Variants in ANKH observed in about 807,000 individuals in gnomAD.
The protein encoded by ANKH is mineralization regulator ANKH.
A neutral mutation model predicts 49.0 loss-of-function variants in ANKH; 15 were observed. That is an observed-to-expected ratio of 0.31 (90% CI 0.20 to 0.47). The LOEUF (loss-of-function observed/expected upper bound fraction) is 0.47, where lower values mean the gene tolerates loss of function less well. Among genes scored for constraint, ANKH ranks in the 20% least tolerant of loss-of-function variants. The pLI is 1.00. For synonymous variants in ANKH, 273 were observed against 260.0 expected, an observed-to-expected ratio of 1.05 and a Z score of -0.48; for missense variants, 429 against 652.0, an observed-to-expected ratio of 0.66 and a Z score of 3.72.
chr5:14,731,620 G>A (rs1738005708), intron 8 of ANKH, among the ~76,000 whole-genome samples: 1 of 152,186 alleles, frequency 6.6e-6, no homozygotes, highest in Non-Finnish European at 1.5e-5. Flanking sequence ...AACTGTGCAA[G>A]GTTCCCAGCA....
intron 1 of ANKH, among the ~76,000 whole-genome samples, chr5:14,783,555 C>T (rs953738939): frequency 3.9e-4 from 60 of 152,128 alleles, no homozygotes; most frequent in African/African-American, 1.4e-3. Context: ...CTGTTTAGAA[C>T]ACAATACAAG....
rs535773847 is a variant in ANKH at position 14,725,881 on chromosome 5, G to C, written c.1012-9046C>G. 3.9e-5 allele frequency among the ~76,000 whole-genome samples: 6 copies of C among 152,216 alleles called. No individual in the cohort carries two copies. The highest frequency in any genetic ancestry group is 1.4e-4 in the African/African-American group (6 of 41,452). ...CCGCCTCAGCCTCCTGAGTAGCTGG[G>C]ACTACAGGTACGTGCCACCACGCCC... On this transcript the variant is annotated intron_variant, in intron 8 of 11. Transcript: ENST00000284268. The surrounding 1 kb of genome is among the most constrained non-coding windows in gnomAD (Gnocchi z 4.0).
chr5:14,858,354 A>G lies in ANKH; in HGVS notation c.96+12998T>C, dbSNP rs796251067. On this transcript the variant is annotated intron_variant, in intron 1 of 11. Transcript: ENST00000284268. Reference sequence around the variant, plus strand: ...TAGCTCCCAATTCATCAAATTTTAGATGAATATTTAAAATCAAGAAAAATT... The same window carrying G: ...TAGCTCCCAATTCATCAAATTTTAGGTGAATATTTAAAATCAAGAAAAATT... 4.6e-5 allele frequency among the ~76,000 whole-genome samples: 7 copies of G among 152,290 alleles called. No individual in the cohort carries two copies. In the South Asian group the frequency reaches 1.4e-3, roughly 32 times the overall value.
At chr5:14,804,044 T>C (rs563349936) in intron 1 of ANKH, among the ~76,000 whole-genome samples, 1 of 152,198 alleles carries the variant, frequency 6.6e-6, no homozygotes, top group South Asian at 2.1e-4. Context: ...TACAGGTGCG[T>C]GCCACCATGC....
rs528287268 is a variant in ANKH, at chr5:14,754,631, A to C, written c.516+1230T>G. ...CAGTTAGTAGAAATCCATTTAAATT[A>C]CTTATAATAGTGATCCACGGAGTAA... On this transcript the variant is annotated intron_variant, in intron 4 of 11. Coordinates refer to ENST00000284268, the MANE Select transcript of ANKH (RefSeq NM_054027.6). 1.8e-4 allele frequency among the ~76,000 whole-genome samples: 28 copies of C among 152,346 alleles called. No homozygotes were observed. The South Asian group carries it at 2.5e-3, about 14-fold the overall frequency.
intron 8 of ANKH, among the ~76,000 whole-genome samples, chr5:14,730,591 C>T (rs962393169): frequency 6.6e-6 from 1 of 152,160 alleles, no homozygotes. Flanking sequence ...GGTTTGGAAG[C>T]CAGTCTCTTG....
chr5:14,813,197 G>C (rs1740937514), intron 1 of ANKH, among the ~76,000 whole-genome samples: 1 of 151,556 alleles, frequency 6.6e-6, no homozygotes, highest in Non-Finnish European at 1.5e-5. Flanking sequence ...GCTATGATCA[G>C]GCCACTGCAC....
chr5:14,734,099 C>G (rs898413649), intron 8 of ANKH, among the ~76,000 whole-genome samples: 1 of 152,194 alleles, frequency 6.6e-6, no homozygotes, highest in Admixed American at 6.5e-5. Flanking sequence ...TTCTAAATTT[C>G]TCTTCAAAGA....
intron 1 of ANKH, among the ~76,000 whole-genome samples, chr5:14,776,121 C>G (rs893936694): frequency 3.9e-5 from 6 of 152,304 alleles, no homozygotes; most frequent in South Asian, 4.1e-4. Context: ...GGCCGCCCCC[C>G]GCATCCTCCT....
At chr5:14,839,872 G>A (rs1269311734) in intron 1 of ANKH, among the ~76,000 whole-genome samples, 1 of 152,190 alleles carries the variant, frequency 6.6e-6, no homozygotes, top group African/African-American at 2.4e-5. Context: ...CCCATCAGAG[G>A]TAGAAACATG....
intron 6 of ANKH, 26 bp downstream of exon 6, chr5:14,749,146 C>T (rs972256953): frequency 3.1e-6 from 5 of 1,613,770 alleles, no homozygotes; most frequent in Non-Finnish European, 4.2e-6. Context: ...TGATCATAAG[C>T]CCCACATCCC....
intron 1 of ANKH, among the ~76,000 whole-genome samples, chr5:14,851,473 G>A (rs1251794188): frequency 2.0e-5 from 3 of 152,248 alleles, no homozygotes; most frequent in Non-Finnish European, 4.4e-5. Flanking sequence ...CCTGTGGATT[G>A]TGGAACTATT....
At chr5:14,752,409 G>A (rs1242115191) in intron 4 of ANKH, among the ~76,000 whole-genome samples, 2 of 152,104 alleles carry the variant, frequency 1.3e-5, no homozygotes, top group African/African-American at 4.8e-5. Flanking sequence ...ACTAGAATAG[G>A]TTGAAATAAC....
intron 1 of ANKH, 116 bp downstream of exon 1, chr5:14,871,236 C>G (rs1209422497): frequency 4.4e-6 from 4 of 901,924 alleles, no homozygotes; most frequent in East Asian, 5.3e-5. Flanking sequence ...GCACACCCGA[C>G]CAAATGTTTC....
At position 14,707,097 on chromosome 5, in the gene ANKH, C is replaced by T. The variant is rs1380732160; in HGVS notation, c.*4100G>A. 6.6e-6 allele frequency: 1 copy of T among 152,200 alleles called. No individual in the cohort carries two copies. Among genetic ancestry groups the T allele is most frequent in the Non-Finnish European group, 1.5e-5 (1 of 68,046 alleles). The allele number at this position is 152,200 out of a possible 1,614,324, so 9.4% of individuals were successfully genotyped here. A position where few individuals can be genotyped will look rare whatever the true frequency, so the allele number is the denominator to read the frequency against. Reference sequence around the variant, plus strand: ...CTAGTTTGATTGATGAAGACGTCGTCCTAAGTTTAGAAGTCAGCTCACCTG... The same window carrying T: ...CTAGTTTGATTGATGAAGACGTCGTTCTAAGTTTAGAAGTCAGCTCACCTG... On this transcript the variant is annotated 3_prime_UTR_variant, in exon 12 of 12. Transcript: ENST00000284268.
At chr5:14,739,592 C>T (rs1337692381) in intron 8 of ANKH, among the ~76,000 whole-genome samples, 1 of 152,128 alleles carries the variant, frequency 6.6e-6, no homozygotes, top group Non-Finnish European at 1.5e-5. Context: ...GGCAAAAAAT[C>T]ACTGTTTCAG....
intron 6 of ANKH, among the ~76,000 whole-genome samples, chr5:14,748,275 C>T (rs1223215550): frequency 6.6e-6 from 1 of 152,196 alleles, no homozygotes; most frequent in African/African-American, 2.4e-5. Flanking sequence ...AAGCGTTCTG[C>T]TTTTGATTTA....
Position 14,806,681 on chromosome 5 carries a change from C to T in ANKH, c.97-37490G>A, listed in dbSNP as rs551025476. 1.1e-3 allele frequency among the ~76,000 whole-genome samples: 173 copies of T among 152,248 alleles called. 1 individual carries two copies. The highest frequency in any genetic ancestry group is 3.8e-3 in the African/African-American group (156 of 41,530). ...TCTTGGAGGCCCTTCTAATGGGAAC[C>T]GGCTGCGGCAGCTCTTCTATTACGT... On this transcript the variant is annotated intron_variant, in intron 1 of 11. Transcript: ENST00000284268.
At position 14,713,499 on chromosome 5, in the gene ANKH, G is replaced by A. The variant is rs372912526; in HGVS notation, c.1265+45C>T. The A allele has an allele frequency of 2.0e-5, 32 of 1,611,804 alleles. No individual in the cohort carries two copies. The highest frequency in any genetic ancestry group is 2.6e-5 in the Non-Finnish European group (31 of 1,178,848). On this transcript the variant is annotated intron_variant, in intron 10 of 11. Transcript: ENST00000284268. The surrounding 1 kb of genome is among the most constrained non-coding windows in gnomAD (Gnocchi z 4.4). ...CTGTTAAACCTCTGGACACAGTATT[G>A]AAGTGGCAGAAGGACCCACAGCCCC...
Sources: gnomAD v4.1 joint callset for allele counts (sites outside exome capture counted in the v4.1 genomes callset) on GRCh38, gnomAD v4.1.1 for gene constraint, Gnocchi (gnomAD v3.1) non-coding constraint, MANE v1.5 for transcripts, NCBI Gene and HGNC (gene_info 2026-07-23, HGNC 2026-07-21) for gene names.